The following TBL3 variants were observed in gnomAD, a reference collection of about 807,000 sequenced individuals.
The protein encoded by TBL3 is transducin beta-like protein 3.
Under a neutral mutation model 102.7 loss-of-function variants are expected in TBL3, and 71 were observed. The ratio of observed to expected loss-of-function variants is 0.69; its 90% CI spans 0.57 to 0.84. The LOEUF (loss-of-function observed/expected upper bound fraction) is 0.84, where lower values mean the gene tolerates loss of function less well. TBL3 is among the 40% of genes least tolerant of loss of function. The pLI is 0.00. For missense variants in TBL3, 1,188 were observed against 1,098.5 expected (o/e 1.08, Z -1.15); for synonymous variants, 578 against 477.7 (o/e 1.21, Z -2.74).
chr16:1,981,124 T>C lies in TBL3; in HGVS notation c.*2439T>C. 1 of 1,613,504 alleles carries C rather than the reference T, an allele frequency of 6.2e-7. No individual in the cohort carries two copies. Among genetic ancestry groups the C allele is most frequent in the South Asian group, 1.1e-5 (1 of 91,088 alleles). On this transcript the variant is annotated 3_prime_UTR_variant, in exon 22 of 22. Transcript: ENST00000568546. ...CCAGCCAGGTCTTACTTGGAGCCTC[T>C]TGATCTGCACCAGGGCTGCCCCTTG... is the stretch of plus-strand genomic sequence containing the variant.
Position 1,978,047 on chromosome 16 carries a change from TG to T in TBL3, c.2049del (p.Thr684LeufsTer56). On this transcript the variant is annotated frameshift_variant, in exon 19 of 22. Coordinates refer to ENST00000568546, the MANE Select transcript of TBL3 (RefSeq NM_006453.3). LOFTEE classifies it high-confidence loss of function. ...AISLDRPHTV[L>X]TVIQAIRRDP... ...TCCCTGGATCGGCCCCACACCGTGC[TG>T]ACTGTCATCCAGGGTCAGTGCCCAC... The T allele has an allele frequency of 6.2e-7, 1 of 1,605,476 alleles. No individual in the cohort carries two copies. Among genetic ancestry groups the T allele is most frequent in the Non-Finnish European group, 8.5e-7 (1 of 1,175,550 alleles).
At position 1,979,174 on chromosome 16, in the gene TBL3, G is replaced by A. The variant is rs551724159; in HGVS notation, c.*489G>A. On this transcript the variant is annotated 3_prime_UTR_variant, in exon 22 of 22. Transcript: ENST00000568546. ...CAGCAGCGGCTCTGGATGGCGCCCG[G>A]CGAAGGTCGGGTGGGCACGGTGGGG... is the stretch of plus-strand genomic sequence containing the variant. 2 of 1,457,036 alleles carry A rather than the reference G, an allele frequency of 1.4e-6. No homozygotes were observed. The highest frequency in any genetic ancestry group is 2.7e-5 in the East Asian group (1 of 37,438). The allele number at this position is 1,457,036 out of a possible 1,614,324, so 90.3% of individuals were successfully genotyped here. A position where few individuals can be genotyped will look rare whatever the true frequency, so the allele number is the denominator to read the frequency against.
chr16:1,978,655 C>G lies in TBL3; in HGVS notation c.2397C>G (p.Pro799=). The G allele has an allele frequency of 6.2e-7, 1 of 1,612,544 alleles. No individual in the cohort carries two copies. Residue 799 remains proline, a synonymous_variant, in exon 22 of 22, where the codon CCC becomes CCG. Coordinates refer to ENST00000568546, the MANE Select transcript of TBL3 (RefSeq NM_006453.3). ...CTGTGCCGGCCGCCGCCCCCACCCC[C>G]TGGGAAACCCATAAAGGCGCACTGC... is the stretch of plus-strand genomic sequence containing the variant. ...KLPVPAAAPT[P]WETHKGALP is the part of the protein sequence containing the mutation.
Position 1,981,046 on chromosome 16 carries a change from G to C in TBL3, c.*2361G>C. On this transcript the variant is annotated 3_prime_UTR_variant, in exon 22 of 22. Coordinates refer to ENST00000568546, the MANE Select transcript of TBL3 (RefSeq NM_006453.3). ...TGGGGGACAAAAAGTTGGGAGTGCC[G>C]TGGAGGTGCTGGTCCAGGCACCCCC... 1.2e-6 allele frequency: 2 copies of C among 1,611,398 alleles called. 1 individual carries two copies. Among genetic ancestry groups the C allele is most frequent in the South Asian group, 2.2e-5 (2 of 91,056 alleles).
rs140756729 is a variant in TBL3, at chr16:1,977,057, A to G, written c.1444A>G (p.Ile482Val). The G allele has an allele frequency of 6.8e-6, 11 of 1,613,184 alleles. No individual in the cohort carries two copies. In the African/African-American group the frequency reaches 1.3e-4, roughly 20 times the overall value. The change falls in exon 15 of 22, where the codon ATC becomes GTC. Residue 482 changes from isoleucine to valine, a missense_variant. Ile to Val is a conservative substitution (Grantham distance 29). Coordinates refer to ENST00000568546, the MANE Select transcript of TBL3 (RefSeq NM_006453.3). ...CACCACCTTCTCCCATTGCCAGGACATCAACAGCGTGGCTATTGCCCCCAA... is the reference window on the plus strand; with the variant it reads ...CACCACCTTCTCCCATTGCCAGGACGTCAACAGCGTGGCTATTGCCCCCAA... ...QTTQRCHDKDINSVAIAPNDK... is the reference protein window; with the variant it reads ...QTTQRCHDKDVNSVAIAPNDK...
intron 11 of TBL3, 32 bp from the exon 12 acceptor site, chr16:1,976,022 GCT>G (rs2083398667): frequency 6.2e-7 from 1 of 1,614,076 alleles, no homozygotes; most frequent in African/African-American, 1.3e-5. Context: ...CCCCCGTCTT[GCT>G]GTGTGACCTA....
intron 8 of TBL3, 26 bp from the exon 9 acceptor site, chr16:1,975,319 C>T (rs752776933): frequency 2.4e-5 from 38 of 1,613,850 alleles, no homozygotes; most frequent in Non-Finnish European, 3.1e-5. Flanking sequence ...GGCATGATAG[C>T]AGCCTGTGAC....
chr16:1,980,532 A>G lies in TBL3; in HGVS notation c.*1847A>G, dbSNP rs554813672. ...GCGGCTCGTGCGCCCCACGCGTCCC[A>G]ACAGTGGTGCATCTTAAGGCACCAC... On this transcript the variant is annotated 3_prime_UTR_variant, in exon 22 of 22. Coordinates refer to ENST00000568546, the MANE Select transcript of TBL3 (RefSeq NM_006453.3). 1.2e-6 allele frequency: 2 copies of G among 1,604,048 alleles called. No homozygotes were observed. The highest frequency in any genetic ancestry group is 1.1e-5 in the South Asian group (1 of 90,680).
chr16:1,978,692 C>A lies in TBL3; in HGVS notation c.*7C>A. Reference sequence around the variant, plus strand: ...TAAAGGCGCACTGCCCTAGCCGGTCCGGCCTCTCTCCAGTCCATCCTGAAC... The same window carrying A: ...TAAAGGCGCACTGCCCTAGCCGGTCAGGCCTCTCTCCAGTCCATCCTGAAC... On this transcript the variant is annotated 3_prime_UTR_variant, in exon 22 of 22. Transcript: ENST00000568546. 1 of 1,605,230 alleles carries A rather than the reference C, an allele frequency of 6.2e-7. No homozygotes were observed. Among genetic ancestry groups the A allele is most frequent in the Non-Finnish European group, 8.5e-7 (1 of 1,174,158 alleles).
In TBL3 at chr16:1,974,078, G is replaced by A. The variant is rs2083379435; in HGVS notation, c.64G>A (p.Glu22Lys). The change falls in exon 2 of 22, where the codon GAG (glutamate) becomes AAG (lysine). Residue 22 changes from glutamate to lysine, a missense_variant. Physicochemically the swap from Glu to Lys is moderately conservative, Grantham distance 56. Coordinates refer to ENST00000568546, the MANE Select transcript of TBL3 (RefSeq NM_006453.3). ...KTNYAVERKI[E>K]PFYKGGKAQL... ...CAGCTATGCTGTGGAGCGCAAAATT[G>A]AGCCTTTCTACAAGGGCGGAAAAGC... The A allele has an allele frequency of 1.3e-6, 2 of 1,582,412 alleles. No homozygotes were observed. Among genetic ancestry groups the A allele is most frequent in the African/African-American group, 1.3e-5 (1 of 74,212 alleles).
chr16:1,975,982 AG>A (rs2083398149), intron 11 of TBL3, 33 bp downstream of exon 11: 1 of 1,613,908 alleles, frequency 6.2e-7, no homozygotes, highest in African/African-American at 1.3e-5. Flanking sequence ...ACACCCTGGG[AG>A]CCGCCTCGGT....
At chr16:1,973,727 C>T (rs377372272) in intron 1 of TBL3, among the ~76,000 whole-genome samples, 15 of 152,274 alleles carry the variant, frequency 9.9e-5, no homozygotes, top group African/African-American at 1.4e-4. Context: ...CACCCACCGC[C>T]GGCAGGGGTG....
intron 12 of TBL3, 22 bp downstream of exon 12, chr16:1,976,136 G>A: frequency 3.7e-6 from 6 of 1,614,056 alleles, no homozygotes; most frequent in Non-Finnish European, 5.1e-6. Context: ...TGAGAGGTAG[G>A]GGCAGGGGCA....
At position 1,979,207 on chromosome 16, in the gene TBL3, C is replaced by G; in HGVS notation, c.*522C>G. On this transcript the variant is annotated 3_prime_UTR_variant, in exon 22 of 22. Coordinates refer to ENST00000568546, the MANE Select transcript of TBL3 (RefSeq NM_006453.3). Reference sequence around the variant, plus strand: ...CGGGTGGGCACGGTGGGGGGAGGGGCGGTGGCCTGGGAGGGTTCAGGGAAG... The same window carrying G: ...CGGGTGGGCACGGTGGGGGGAGGGGGGGTGGCCTGGGAGGGTTCAGGGAAG... 6.9e-7 allele frequency: 1 copy of G among 1,457,188 alleles called. No individual in the cohort carries two copies. The highest frequency in any genetic ancestry group is 9.0e-7 in the Non-Finnish European group (1 of 1,109,096). The allele number at this position is 1,457,188 out of a possible 1,614,324, so 90.3% of individuals were successfully genotyped here. A position where few individuals can be genotyped will look rare whatever the true frequency, so the allele number is the denominator to read the frequency against.
intron 7 of TBL3, 25 bp from the exon 8 acceptor site, chr16:1,975,162 C>T (rs750643232): frequency 1.2e-6 from 2 of 1,613,716 alleles, no homozygotes; most frequent in Non-Finnish European, 1.7e-6. Context: ...TAAGACTTGA[C>T]CTGAGGTTGC....
rs532426427 is a variant in TBL3 at position 1,977,623 on chromosome 16, G to A, written c.1852G>A (p.Asp618Asn). The change falls in exon 17 of 22, where the codon GAC becomes AAC. Residue 618 changes from aspartate (D) to asparagine (N), a missense_variant. Transcript: ENST00000568546. ...GGGGCTGCACTGCAGCCGGCTGGAC[G>A]ACCACGCCCTCACTGGGGCCAGTGA... ...VWGLHCSRLDDHALTGASDSR... is the reference protein window; with the variant it reads ...VWGLHCSRLDNHALTGASDSR... The A allele has an allele frequency of 1.0e-5, 16 of 1,555,060 alleles. No individual in the cohort carries two copies. The Admixed American group carries it at 1.2e-4, about 11-fold the overall frequency.
chr16:1,977,849 C>T (rs1567326611), intron 18 of TBL3, 49 bp downstream of exon 18: 3 of 1,575,406 alleles, frequency 1.9e-6, no homozygotes, highest in Non-Finnish European at 2.6e-6. Flanking sequence ...CTGCTCTGTG[C>T]TGTAGGGAAA....
chr16:1,975,151 C>G, intron 7 of TBL3, 36 bp from the exon 8 acceptor site: 2 of 1,613,606 alleles, frequency 1.2e-6, no homozygotes, highest in South Asian at 1.1e-5. Context: ...GGGGCTGAGG[C>G]TAAGACTTGA....
Position 1,981,576 on chromosome 16 carries a change from C to T in TBL3, c.*2891C>T, listed in dbSNP as rs1350800823. On this transcript the variant is annotated 3_prime_UTR_variant, in exon 22 of 22. Coordinates refer to ENST00000568546, the MANE Select transcript of TBL3 (RefSeq NM_006453.3). The stretch of plus-strand genomic sequence containing the variant: ...CAGGGCTAATCAAAGCGCCACCTGT[C>T]CTGCCCACCTCTCTGGATTCCCCTA... The T allele has an allele frequency of 4.7e-6, 1 of 210,910 alleles. No homozygotes were observed. Among genetic ancestry groups the T allele is most frequent in the African/African-American group, 2.7e-5 (1 of 36,820 alleles). The allele number at this position is 210,910 out of a possible 1,614,324, so 13.1% of individuals were successfully genotyped here.
Sources: gnomAD v4.1 joint callset for allele counts (sites outside exome capture counted in the v4.1 genomes callset) on GRCh38, gnomAD v4.1.1 for gene constraint, MANE v1.5 for transcripts, NCBI Gene and HGNC (gene_info 2026-07-23, HGNC 2026-07-21) for gene names.